Variants in ACTR3C observed in about 807,000 individuals in gnomAD.
ACTR3C encodes actin related protein 3C, also known as actin-related protein 3C.
In ACTR3C, 18 loss-of-function variants were observed where a neutral mutation model predicts 26.3. The ratio of observed to expected loss-of-function variants is 0.68; its 90% CI spans 0.47 to 1.01. The LOEUF (loss-of-function observed/expected upper bound fraction) is 1.01. Among genes scored for constraint, ACTR3C ranks in the 50% least tolerant of loss-of-function variants. The pLI is 0.00. For synonymous variants in ACTR3C, 55 were observed against 94.5 expected (o/e 0.58, Z 2.42); for missense variants, 184 against 250.7 (o/e 0.73, Z 1.80).
chr7:150,288,997 G>C (rs1836001588), intron 4 of ACTR3C, among the ~76,000 whole-genome samples: 1 of 151,048 alleles, frequency 6.6e-6, no homozygotes, highest in African/African-American at 2.5e-5. Context: ...CAGTAACTGT[G>C]CCATAAAGGA....
At chr7:149,911,502 T>TA in the ACTR3C span, among the ~76,000 whole-genome samples, 16 of 152,002 alleles carry the variant, frequency 1.1e-4, no homozygotes, top group African/African-American at 3.9e-4. Flanking sequence ...TCACCAGTTG[T>TA]AAAAAAGGTA....
chr7:150,155,735 A>C, the ACTR3C span, among the ~76,000 whole-genome samples: 2 of 136,300 alleles, frequency 1.5e-5, no homozygotes, highest in Admixed American at 7.4e-5. Flanking sequence ...AGTGACAAGC[A>C]AACCTCAAAA....
the ACTR3C span, among the ~76,000 whole-genome samples, chr7:149,914,067 T>C: frequency 1.3e-5 from 2 of 151,664 alleles, no homozygotes; most frequent in African/African-American, 4.8e-5. Flanking sequence ...TTTTTTATTT[T>C]TTTGTAGAGA....
At chr7:150,258,035 TGAG>T (rs1268468587) in intron 6 of ACTR3C, among the ~76,000 whole-genome samples, 1 of 152,144 alleles carries the variant, frequency 6.6e-6, no homozygotes, top group Non-Finnish European at 1.5e-5. Flanking sequence ...CACAGGGACT[TGAG>T]GAGATGGTTA....
chr7:150,320,282 G>A (rs893482161), intron 1 of ACTR3C, among the ~76,000 whole-genome samples: 4 of 152,196 alleles, frequency 2.6e-5, no homozygotes, highest in Non-Finnish European at 5.9e-5. Context: ...GAGGAAGAAC[G>A]CCCTACCTCA....
At chr7:150,229,854 T>C in the ACTR3C span, among the ~76,000 whole-genome samples, 2 of 151,862 alleles carry the variant, frequency 1.3e-5, no homozygotes, top group Non-Finnish European at 2.9e-5. Flanking sequence ...TAAATTCCAC[T>C]TGCTGCTCTT....
the ACTR3C span, among the ~76,000 whole-genome samples, chr7:149,902,949 AAAAG>A: frequency 3.6e-5 from 1 of 27,994 alleles, no homozygotes; most frequent in African/African-American, 5.0e-5. Context: ...AAAAAAAAAA[AAAAG>A]AAAGAAAGAG....
chr7:150,195,261 T>C, the ACTR3C span, among the ~76,000 whole-genome samples: 6 of 151,854 alleles, frequency 4.0e-5, no homozygotes, highest in East Asian at 1.2e-3. Flanking sequence ...ACTATAGATC[T>C]AAAATTTTTG....
chr7:150,105,214 C>CT, the ACTR3C span, among the ~76,000 whole-genome samples: 1 of 151,592 alleles, frequency 6.6e-6, no homozygotes, highest in Non-Finnish European at 1.5e-5. Context: ...TCTCGAGTAG[C>CT]TGAGACTACA....
At chr7:150,005,725 C>T in the ACTR3C span, among the ~76,000 whole-genome samples, 2 of 152,144 alleles carry the variant, frequency 1.3e-5, no homozygotes, top group African/African-American at 4.8e-5. Context: ...TCTCTCTGTC[C>T]CTCAAGCAAA....
At chr7:150,316,419 T>C (rs958574722) in intron 1 of ACTR3C, among the ~76,000 whole-genome samples, 2 of 152,102 alleles carry the variant, frequency 1.3e-5, no homozygotes, top group East Asian at 1.9e-4. Flanking sequence ...GCCACTACTA[T>C]TCTTTATCTG....
chr7:150,229,968 T>C, the ACTR3C span, among the ~76,000 whole-genome samples: 2 of 151,390 alleles, frequency 1.3e-5, no homozygotes, highest in African/African-American at 4.9e-5. Context: ...CTGATGCCTA[T>C]AATCCCAGCA....
chr7:149,977,564 C>T, the ACTR3C span, among the ~76,000 whole-genome samples: 4 of 152,116 alleles, frequency 2.6e-5, no homozygotes, highest in African/African-American at 9.7e-5. Context: ...GGTGAGCATC[C>T]GGACCTCTGT....
the ACTR3C span, among the ~76,000 whole-genome samples, chr7:150,179,974 T>C: frequency 4.0e-5 from 6 of 151,260 alleles, no homozygotes; most frequent in East Asian, 1.2e-3. Context: ...TTTTAATATT[T>C]ATCAAATTAC....
At chr7:150,231,408 T>G in the ACTR3C span, among the ~76,000 whole-genome samples, 1 of 151,822 alleles carries the variant, frequency 6.6e-6, no homozygotes, top group African/African-American at 2.4e-5. Context: ...AAAAGCTGGT[T>G]GTTAAATAGA....
intron 6 of ACTR3C, among the ~76,000 whole-genome samples, chr7:150,270,535 G>A (rs539552624): frequency 1.1e-3 from 162 of 149,510 alleles, no homozygotes; most frequent in African/African-American, 3.7e-3. Context: ...AGAAGCTCTC[G>A]GTCACGTGGC....
At chr7:150,129,326 AC>A in the ACTR3C span, among the ~76,000 whole-genome samples, 3 of 152,180 alleles carry the variant, frequency 2.0e-5, no homozygotes, top group African/African-American at 7.2e-5. Flanking sequence ...TAGATCTAGA[AC>A]CCAGGCAGAG....
At chr7:150,091,894 A>G in the ACTR3C span, among the ~76,000 whole-genome samples, 1 of 140,852 alleles carries the variant, frequency 7.1e-6, no homozygotes, top group Non-Finnish European at 1.5e-5. Context: ...AGGCTGAGGC[A>G]GGAGAATGGC....
At chr7:150,305,505 T>C (rs1334665932) in intron 1 of ACTR3C, among the ~76,000 whole-genome samples, 1 of 152,152 alleles carries the variant, frequency 6.6e-6, no homozygotes, top group East Asian at 1.9e-4. Flanking sequence ...ACTCCCCCGC[T>C]CTCGTCACCC....
Sources: allele counts gnomAD v4.1 joint callset (sites outside exome capture counted in the v4.1 genomes callset), GRCh38; gene constraint gnomAD v4.1.1; transcripts MANE v1.5; gene names NCBI Gene and HGNC (gene_info 2026-07-23, HGNC 2026-07-21).